Variants in ANKRD12 observed in about 807,000 individuals in gnomAD.
ANKRD12 encodes ankyrin repeat domain-containing protein 12.
A neutral mutation model predicts 183.4 loss-of-function variants in ANKRD12; 85 were observed. The ratio of observed to expected loss-of-function variants is 0.46; its 90% CI spans 0.39 to 0.56. The LOEUF (loss-of-function observed/expected upper bound fraction) is 0.56. Ranked by LOEUF, ANKRD12 falls within the 20% of genes least tolerant of loss-of-function variation. ANKRD12 has a pLI of 0.00. For missense variants in ANKRD12, 2,405 were observed against 2,357.1 expected, an observed-to-expected ratio of 1.02 and a Z score of -0.42; for synonymous variants, 914 against 800.2, an observed-to-expected ratio of 1.14 and a Z score of -2.40.
At chr18:9,171,246 G>T (rs888415759) in intron 1 of ANKRD12, among the ~76,000 whole-genome samples, 6 of 152,132 alleles carry the variant, frequency 3.9e-5, no homozygotes, top group Non-Finnish European at 7.4e-5. Context: ...TGGAAATGCA[G>T]AAATCACCCG....
Position 9,178,485 on chromosome 18 carries a change from G to A in ANKRD12, c.-51-3897G>A, listed in dbSNP as rs544019670. On this transcript the variant is annotated intron_variant, in intron 1 of 12. Transcript: ENST00000262126. ...GTGTAGATCTGTTTCTGGACTTTCC[G>A]TTCTGTTCCGTTAATCTATAAGTCT... Among the ~76,000 whole-genome samples the A allele has an allele frequency of 2.9e-3, 352 of 123,222 alleles. 1 individual carries two copies. Among genetic ancestry groups the A allele is most frequent in the African/African-American group, 0.01 (335 of 32,252 alleles). 80.8% of individuals were successfully genotyped at this position (123,222 alleles called of 152,430 possible). A position where few individuals can be genotyped will look rare whatever the true frequency, so the allele number is the denominator to read the frequency against.
intron 3 of ANKRD12, among the ~76,000 whole-genome samples, chr18:9,196,108 AACACAC>A (rs36156556): frequency 0.12 from 7,808 of 63,966 alleles, 593 homozygotes; most frequent in South Asian, 0.15. Context: ...GAAACATGCA[AACACAC>A]ACACACACAC....
chr18:9,252,500 T>A (rs532275925), intron 8 of ANKRD12, among the ~76,000 whole-genome samples: 4 of 152,310 alleles, frequency 2.6e-5, no homozygotes, highest in African/African-American at 9.6e-5. Flanking sequence ...GATAACTTAT[T>A]TATGTTAGAA....
rs1463363464 is a variant in ANKRD12, at chr18:9,284,061, A to G, written c.*2935A>G. 1 of 152,220 alleles carries G rather than the reference A, an allele frequency of 6.6e-6. No individual in the cohort carries two copies. The highest frequency in any genetic ancestry group is 1.5e-5 in the Non-Finnish European group (1 of 68,024). 9.4% of individuals were successfully genotyped at this position (152,220 alleles called of 1,614,324 possible). ...TTTGTTTATACTATATTAAGTGTGC[A>G]ATAGCATTATGTCTAAAAATATGTA... is the stretch of plus-strand genomic sequence containing the variant. On this transcript the variant is annotated 3_prime_UTR_variant, in exon 13 of 13. Coordinates refer to ENST00000262126, the MANE Select transcript of ANKRD12 (RefSeq NM_015208.5).
intron 1 of ANKRD12, chr18:9,137,872 A>C (rs1159418319): frequency 1.3e-5 from 2 of 152,208 alleles, no homozygotes; most frequent in Admixed American, 1.3e-4. Context: ...TTGTACAAAG[A>C]GGTATGCGAA....
At chr18:9,262,017 C>G (rs1459950156) in intron 9 of ANKRD12, among the ~76,000 whole-genome samples, 1 of 152,196 alleles carries the variant, frequency 6.6e-6, no homozygotes, top group Non-Finnish European at 1.5e-5. Flanking sequence ...TGAATTACTG[C>G]AATTAGAGGC....
At chr18:9,212,607 T>A (rs1389294333) in intron 6 of ANKRD12, among the ~76,000 whole-genome samples, 2 of 151,966 alleles carry the variant, frequency 1.3e-5, no homozygotes, top group Non-Finnish European at 2.9e-5. Flanking sequence ...TGTGTATATT[T>A]ATGGAAGTAT....
intron 10 of ANKRD12, among the ~76,000 whole-genome samples, chr18:9,269,902 A>G (rs144788256): frequency 1.4e-3 from 212 of 152,346 alleles, no homozygotes; most frequent in African/African-American, 4.7e-3. Context: ...AGAATCTACA[A>G]TGAACTCAAA....
intron 2 of ANKRD12, among the ~76,000 whole-genome samples, chr18:9,192,486 A>G (rs139927664): frequency 1.3e-5 from 2 of 152,096 alleles, no homozygotes; most frequent in South Asian, 2.1e-4. Flanking sequence ...ATTTTTGTCT[A>G]TAATTTTGTA....
intron 1 of ANKRD12, among the ~76,000 whole-genome samples, chr18:9,155,816 A>G (rs1415729245): frequency 1.3e-5 from 2 of 151,472 alleles, no homozygotes; most frequent in Non-Finnish European, 2.9e-5. Context: ...ATTCTTTTTC[A>G]TATGTGTTGC....
chr18:9,217,323 T>C (rs1216387379), intron 7 of ANKRD12, among the ~76,000 whole-genome samples: 1 of 152,234 alleles, frequency 6.6e-6, no homozygotes, highest in African/African-American at 2.4e-5. Flanking sequence ...TTACTAGCTG[T>C]GTAATCTTGA....
At chr18:9,175,557 A>G (rs2033195435) in intron 1 of ANKRD12, among the ~76,000 whole-genome samples, 3 of 38,008 alleles carry the variant, frequency 7.9e-5, no homozygotes, top group Admixed American at 5.0e-4. Flanking sequence ...TTTTTGAGAC[A>G]GTCTCTGTCA....
intron 10 of ANKRD12, among the ~76,000 whole-genome samples, chr18:9,270,090 G>C (rs574424161): frequency 6.6e-6 from 1 of 152,134 alleles, no homozygotes; most frequent in Non-Finnish European, 1.5e-5. Flanking sequence ...TTAGAATGGC[G>C]ATCATTAAAA....
chr18:9,190,187 G>C lies in ANKRD12; in HGVS notation c.88-5364G>C, dbSNP rs184544486. Among the ~76,000 whole-genome samples the C allele has an allele frequency of 2.8e-3, 429 of 152,234 alleles. 1 individual carries two copies. The highest frequency in any genetic ancestry group is 1.0e-2 in the African/African-American group (415 of 41,562). On this transcript the variant is annotated intron_variant, in intron 2 of 12. Coordinates refer to ENST00000262126, the MANE Select transcript of ANKRD12 (RefSeq NM_015208.5). ...CAAGACTTTAGTGGAGGAACTAACT[G>C]TAGATGGGATTGGAAAACGCAAGAG...
chr18:9,152,506 C>T (rs1004258324), intron 1 of ANKRD12, among the ~76,000 whole-genome samples: 20 of 151,782 alleles, frequency 1.3e-4, no homozygotes, highest in South Asian at 2.1e-4. Flanking sequence ...TTATTTTCAC[C>T]GTTTTTGGTC....
chr18:9,196,142 CACACACACAT>C (rs1483682090), intron 3 of ANKRD12, among the ~76,000 whole-genome samples: 2 of 145,340 alleles, frequency 1.4e-5, no homozygotes, highest in African/African-American at 2.6e-5. Flanking sequence ...CACACACACA[CACACACACAT>C]TGAGGCTAAC....
intron 2 of ANKRD12, among the ~76,000 whole-genome samples, chr18:9,182,880 CA>C: frequency 6.6e-6 from 1 of 152,196 alleles, no homozygotes; most frequent in East Asian, 1.9e-4. Flanking sequence ...TGGACTCCTG[CA>C]ATTGTCTCCT....
At chr18:9,144,380 A>AT (rs1450394596) in intron 1 of ANKRD12, among the ~76,000 whole-genome samples, 15 of 152,206 alleles carry the variant, frequency 9.9e-5, no homozygotes, top group Admixed American at 1.3e-4. Flanking sequence ...CCCCAGAAGA[A>AT]TAGGCTCTGT....
At chr18:9,260,731 A>G (rs536702305) in intron 9 of ANKRD12, among the ~76,000 whole-genome samples, 1 of 152,334 alleles carries the variant, frequency 6.6e-6, no homozygotes, top group South Asian at 2.1e-4. Context: ...TGGGGAAAAC[A>G]GCAGAGGGAA....
Sources: allele counts gnomAD v4.1 joint callset (sites outside exome capture counted in the v4.1 genomes callset), GRCh38; gene constraint gnomAD v4.1.1; transcripts MANE v1.5; gene names NCBI Gene and HGNC (gene_info 2026-07-23, HGNC 2026-07-21).